PDZRN3: variants seen among roughly 807,000 people sequenced by gnomAD.
The protein encoded by PDZRN3 is E3 ubiquitin-protein ligase PDZRN3.
In PDZRN3, 38 loss-of-function variants were observed where a neutral mutation model predicts 85.7. That is an observed-to-expected ratio of 0.44 (90% CI 0.34 to 0.58). PDZRN3 has a LOEUF of 0.58. Among genes scored for constraint, PDZRN3 ranks in the 20% least tolerant of loss-of-function variants. The probability of loss-of-function intolerance (pLI) is 0.01; values close to 1 mark genes in which losing one functional copy is unlikely to be tolerated. For missense variants in PDZRN3, 1,629 were observed against 1,506.4 expected (o/e 1.08, Z -1.35); for synonymous variants, 759 against 638.0 (o/e 1.19, Z -2.86).
intron 3 of PDZRN3, among the ~76,000 whole-genome samples, chr3:73,600,337 A>ACACACACACTCTCTCTCT (rs34405662): frequency 0.013 from 1,345 of 100,030 alleles, 21 homozygotes; most frequent in African/African-American, 0.029. Flanking sequence ...ACACACACAC[A>ACACACACACTCTCTCTCT]CTCTCTCTCT....
chr3:73,495,477 A>C (rs1193287867), intron 3 of PDZRN3, among the ~76,000 whole-genome samples: 2 of 152,138 alleles, frequency 1.3e-5, no homozygotes, highest in East Asian at 3.8e-4. Context: ...ATCATGTATT[A>C]TTTTGTAACT....
rs562349191 is a variant in PDZRN3, at chr3:73,618,976, T to A, written c.723+5127A>T. On this transcript the variant is annotated intron_variant, in intron 1 of 9. Coordinates refer to ENST00000263666, the MANE Select transcript of PDZRN3 (RefSeq NM_015009.3). ...ATACTCTAACAGATACATTTCAAAGTGTTTGGACATCTGGAACACCTTTTG... is the reference window on the plus strand; with the variant it reads ...ATACTCTAACAGATACATTTCAAAGAGTTTGGACATCTGGAACACCTTTTG... Among the ~76,000 whole-genome samples, 10 of 152,276 alleles carry A rather than the reference T, an allele frequency of 6.6e-5. No individual in the cohort carries two copies. The East Asian group carries it at 1.4e-3, about 21-fold the overall frequency.
intron 3 of PDZRN3, among the ~76,000 whole-genome samples, chr3:73,454,757 A>C (rs980405403): frequency 6.6e-6 from 1 of 152,222 alleles, no homozygotes; most frequent in African/African-American, 2.4e-5. Flanking sequence ...AAAAAGCTTG[A>C]AAAGTGTGGC....
intron 2 of PDZRN3, 87 bp from the exon 3 acceptor site, chr3:73,602,548 ACT>A: frequency 1.4e-6 from 1 of 723,246 alleles, no homozygotes; most frequent in Non-Finnish European, 2.4e-6. Flanking sequence ...ACAGTAATTG[ACT>A]CTTGCTGTGT....
chr3:73,465,010 C>T (rs1703184903), intron 3 of PDZRN3, among the ~76,000 whole-genome samples: 1 of 152,174 alleles, frequency 6.6e-6, no homozygotes, highest in South Asian at 2.1e-4. Context: ...AACGTCTTCC[C>T]AACCATCTGC....
chr3:73,569,532 A>C (rs893893612), intron 3 of PDZRN3: 4 of 1,046,590 alleles, frequency 3.8e-6, no homozygotes, highest in Non-Finnish European at 4.6e-6. Flanking sequence ...TCCTCAGTGA[A>C]GCTTTCTCAG....
At chr3:73,386,113 C>A (rs1030664540) in intron 8 of PDZRN3, among the ~76,000 whole-genome samples, 2 of 151,974 alleles carry the variant, frequency 1.3e-5, no homozygotes, top group South Asian at 4.2e-4. Context: ...AGCTGGTCCA[C>A]CTGCTTGCTG....
chr3:73,576,603 T>C (rs1702127029), intron 3 of PDZRN3, among the ~76,000 whole-genome samples: 1 of 152,222 alleles, frequency 6.6e-6, no homozygotes, highest in African/African-American at 2.4e-5. Context: ...CTAGGAAATT[T>C]ATCTTTTCAA....
intron 3 of PDZRN3, among the ~76,000 whole-genome samples, chr3:73,592,243 CA>C (rs893569903): frequency 6.6e-6 from 1 of 151,836 alleles, no homozygotes; most frequent in Non-Finnish European, 1.5e-5. Flanking sequence ...ATGAAAAGAA[CA>C]AAAAAAACCT....
intron 3 of PDZRN3, among the ~76,000 whole-genome samples, chr3:73,534,264 T>C (rs1704726630): frequency 6.6e-6 from 1 of 152,188 alleles, no homozygotes; most frequent in African/African-American, 2.4e-5. Context: ...GCCCAGCACA[T>C]AACAATGAAG....
At chr3:73,426,572 T>C (rs940240452) in intron 3 of PDZRN3, among the ~76,000 whole-genome samples, 1 of 152,224 alleles carries the variant, frequency 6.6e-6, no homozygotes, top group Non-Finnish European at 1.5e-5. Context: ...CACATCTAAG[T>C]GTCTGAGATG....
intron 3 of PDZRN3, among the ~76,000 whole-genome samples, chr3:73,583,505 C>G (rs1267919662): frequency 2.6e-5 from 4 of 152,290 alleles, no homozygotes; most frequent in Admixed American, 2.6e-4. Flanking sequence ...ATACCCAACA[C>G]TAGCCCACTG....
At chr3:73,462,270 T>A (rs1703120055) in intron 3 of PDZRN3, among the ~76,000 whole-genome samples, 1 of 151,994 alleles carries the variant, frequency 6.6e-6, no homozygotes, top group Admixed American at 6.6e-5. Flanking sequence ...CATTAAAAGG[T>A]CACATAGTTT....
chr3:73,594,531 G>GTAA (rs1702405973), intron 3 of PDZRN3, among the ~76,000 whole-genome samples: 2 of 152,130 alleles, frequency 1.3e-5, no homozygotes, highest in South Asian at 4.2e-4. Context: ...AAGACAAGCA[G>GTAA]TAAATACTCC....
chr3:73,417,500 CA>C, intron 3 of PDZRN3, among the ~76,000 whole-genome samples: 1 of 152,146 alleles, frequency 6.6e-6, no homozygotes. Context: ...AATTAAAGCA[CA>C]AAAACTAACT....
chr3:73,604,564 G>A (rs1702566020), intron 2 of PDZRN3, among the ~76,000 whole-genome samples: 1 of 152,072 alleles, frequency 6.6e-6, no homozygotes, highest in Non-Finnish European at 1.5e-5. Context: ...CAGGAATTCA[G>A]AAGTCCAACA....
chr3:73,514,890 G>C (rs192862501), intron 3 of PDZRN3, among the ~76,000 whole-genome samples: 1 of 152,114 alleles, frequency 6.6e-6, no homozygotes, highest in Non-Finnish European at 1.5e-5. Context: ...ATTCTGTACC[G>C]GAGATATTAT....
chr3:73,593,367 GAA>G (rs1250261067), intron 3 of PDZRN3, among the ~76,000 whole-genome samples: 1 of 152,080 alleles, frequency 6.6e-6, no homozygotes, highest in Non-Finnish European at 1.5e-5. Context: ...ATCTTTTTAT[GAA>G]AGGAAGACTT....
intron 3 of PDZRN3, among the ~76,000 whole-genome samples, chr3:73,504,324 C>T (rs1704033942): frequency 6.6e-6 from 1 of 152,168 alleles, no homozygotes; most frequent in South Asian, 2.1e-4. Flanking sequence ...TTCTCTTGGA[C>T]ACATAAAGGC....
Sources: gnomAD v4.1 joint callset for allele counts (sites outside exome capture counted in the v4.1 genomes callset) on GRCh38, gnomAD v4.1.1 for gene constraint, MANE v1.5 for transcripts, NCBI Gene and HGNC (gene_info 2026-07-23, HGNC 2026-07-21) for gene names.